The following WWTR1 variants were observed in gnomAD, a reference collection of about 807,000 sequenced individuals.
WWTR1 encodes the protein WW domain-containing transcription regulator protein 1.
WWTR1 carries 13 observed loss-of-function variants against 40.1 expected under a neutral mutation model. The observed-to-expected ratio is 0.32, with a 90% CI of 0.21 to 0.52. The LOEUF is 0.52. WWTR1 is among the 20% of genes least tolerant of loss of function. The pLI is 0.97. For synonymous variants in WWTR1, 230 were observed against 210.1 expected (o/e 1.09, Z -0.82); for missense variants, 436 against 523.1 (o/e 0.83, Z 1.63).
intron 2 of WWTR1, among the ~76,000 whole-genome samples, chr3:149,618,623 G>A (rs1238116081): frequency 6.6e-6 from 1 of 152,186 alleles, no homozygotes; most frequent in African/African-American, 2.4e-5. Flanking sequence ...AGAGAAAGAT[G>A]TAATGTCAGA....
chr3:149,628,097 G>A (rs551353058), intron 2 of WWTR1, among the ~76,000 whole-genome samples: 23 of 148,438 alleles, frequency 1.5e-4, no homozygotes, highest in African/African-American at 5.5e-4. Flanking sequence ...AAAGCCAGGC[G>A]AGGTGGCTCA....
intron 5 of WWTR1, among the ~76,000 whole-genome samples, chr3:149,711,391 T>C (rs1413229357): frequency 1.3e-5 from 2 of 152,176 alleles, no homozygotes; most frequent in African/African-American, 4.8e-5. Context: ...AGTAGTAAAA[T>C]AATAAATAAT....
chr3:149,520,958 G>A lies in WWTR1; in HGVS notation c.1050C>T (p.Ile350=), dbSNP rs1420000746. The change falls in exon 7 of 7, where the codon ATC becomes ATT. Residue 350 remains isoleucine, a synonymous_variant. Coordinates refer to ENST00000360632, the MANE Select transcript of WWTR1 (RefSeq NM_015472.6). ...CAGGGAAACGGGTCTGTTGGGGATTGATGTTCATGGGTGTTTGTCCTGCGT... is the reference window on the plus strand; with the variant it reads ...CAGGGAAACGGGTCTGTTGGGGATTAATGTTCATGGGTGTTTGTCCTGCGT... The part of the protein sequence containing the change: ...GENAGQTPMN[I]NPQQTRFPDF... 1 of 1,610,792 alleles carries A rather than the reference G, an allele frequency of 6.2e-7. No individual in the cohort carries two copies. Among genetic ancestry groups the A allele is most frequent in the African/African-American group, 1.3e-5 (1 of 74,680 alleles).
intron 3 of WWTR1, among the ~76,000 whole-genome samples, chr3:149,549,007 A>G (rs769366268): frequency 1.7e-4 from 26 of 152,206 alleles, no homozygotes; most frequent in Non-Finnish European, 3.2e-4. Flanking sequence ...TCATTAGTTT[A>G]CTAAAAATGT....
At chr3:149,618,793 C>G (rs1035504560) in intron 2 of WWTR1, among the ~76,000 whole-genome samples, 11 of 152,132 alleles carry the variant, frequency 7.2e-5, no homozygotes, top group South Asian at 2.1e-4. Flanking sequence ...GCTGTAGGAG[C>G]CTGGAAAGGT....
At chr3:149,629,337 C>A (rs1396219038) in intron 2 of WWTR1, among the ~76,000 whole-genome samples, 1 of 152,114 alleles carries the variant, frequency 6.6e-6, no homozygotes, top group Non-Finnish European at 1.5e-5. Flanking sequence ...GTATTTTCCA[C>A]CTATTCATTT....
At chr3:149,691,052 G>A (rs1251550733) in intron 1 of WWTR1, among the ~76,000 whole-genome samples, 3 of 151,866 alleles carry the variant, frequency 2.0e-5, no homozygotes, top group Admixed American at 2.0e-4. Flanking sequence ...ATTCTGGCAT[G>A]GCATTGATTG....
intron 1 of WWTR1, among the ~76,000 whole-genome samples, chr3:149,693,980 CA>C (rs1714900479): frequency 6.6e-6 from 1 of 152,014 alleles, no homozygotes; most frequent in Non-Finnish European, 1.5e-5. Context: ...GCAACCAAAG[CA>C]AAAATGGACA....
intron 2 of WWTR1, among the ~76,000 whole-genome samples, chr3:149,582,180 G>A (rs1228818027): frequency 1.3e-5 from 2 of 151,700 alleles, no homozygotes; most frequent in Non-Finnish European, 1.5e-5. Context: ...TATGCTGCAC[G>A]CACCCCAACA....
At chr3:149,552,025 T>C (rs1287970675) in intron 3 of WWTR1, among the ~76,000 whole-genome samples, 1 of 146,110 alleles carries the variant, frequency 6.8e-6, no homozygotes, top group Non-Finnish European at 1.5e-5. Flanking sequence ...GACTGCATTA[T>C]ATCACCCATA....
chr3:149,542,260 G>C, intron 4 of WWTR1, 75 bp downstream of exon 4: 1 of 1,509,030 alleles, frequency 6.6e-7, no homozygotes, highest in South Asian at 1.3e-5. Flanking sequence ...TTACCCTGAA[G>C]GTAAGCAGCT....
At chr3:149,716,320 T>G (rs1231694989) in intron 5 of WWTR1, among the ~76,000 whole-genome samples, 1 of 149,426 alleles carries the variant, frequency 6.7e-6, no homozygotes, top group East Asian at 2.0e-4. Context: ...AGGCAGAGGG[T>G]GCAGTGAGCC....
chr3:149,626,112 C>CA (rs1196221503), intron 2 of WWTR1, among the ~76,000 whole-genome samples: 2 of 152,164 alleles, frequency 1.3e-5, no homozygotes. Flanking sequence ...CGCCAGGAAA[C>CA]AAAAACATCA....
At chr3:149,702,522 T>C (rs979214867) in intron 1 of WWTR1, 1 of 151,116 alleles carries the variant, frequency 6.6e-6, no homozygotes, top group Non-Finnish European at 1.5e-5. Flanking sequence ...GTAATAATAT[T>C]ATGGCAAAAT....
At chr3:149,565,168 C>T (rs1245585289) in intron 3 of WWTR1, among the ~76,000 whole-genome samples, 6 of 152,096 alleles carry the variant, frequency 3.9e-5, no homozygotes, top group East Asian at 1.9e-4. Context: ...GCCAGGGCAA[C>T]GGACCAAGAT....
chr3:149,646,522 A>G (rs192590239), intron 2 of WWTR1, among the ~76,000 whole-genome samples: 7 of 152,264 alleles, frequency 4.6e-5, no homozygotes, highest in African/African-American at 1.4e-4. Context: ...CACTGGCATC[A>G]GTCCATGGAC....
chr3:149,531,253 T>A (rs890533290), intron 4 of WWTR1, among the ~76,000 whole-genome samples: 1 of 152,190 alleles, frequency 6.6e-6, no homozygotes, highest in Non-Finnish European at 1.5e-5. Flanking sequence ...AGCTTTGAAA[T>A]ATAAATTAGG....
intron 2 of WWTR1, among the ~76,000 whole-genome samples, chr3:149,640,990 C>A: frequency 6.6e-6 from 1 of 152,006 alleles, no homozygotes; most frequent in South Asian, 2.1e-4. Context: ...AAAGAAAAAC[C>A]AAATTATTTA....
intron 2 of WWTR1, among the ~76,000 whole-genome samples, chr3:149,575,876 C>T (rs1270497155): frequency 6.6e-6 from 1 of 152,174 alleles, no homozygotes; most frequent in South Asian, 2.1e-4. Context: ...TGGACCTCAT[C>T]CTGACAGTTC....
Sources: allele counts gnomAD v4.1 joint callset (sites outside exome capture counted in the v4.1 genomes callset), GRCh38; gene constraint gnomAD v4.1.1; transcripts MANE v1.5; gene names NCBI Gene and HGNC (gene_info 2026-07-23, HGNC 2026-07-21).